The following CADM4 variants were observed in gnomAD, a reference collection of about 807,000 sequenced individuals.
CADM4 encodes the protein cell adhesion molecule 4.
CADM4 carries 13 observed loss-of-function variants against 43.9 expected under a neutral mutation model. The observed-to-expected ratio is 0.30, with a 90% CI of 0.19 to 0.47. The LOEUF (loss-of-function observed/expected upper bound fraction) is 0.47. Ranked by LOEUF, CADM4 falls within the 20% of genes least tolerant of loss-of-function variation. The probability of loss-of-function intolerance (pLI) is 1.00; values close to 1 mark genes in which losing one functional copy is unlikely to be tolerated. For synonymous variants in CADM4, 209 were observed against 220.9 expected, an observed-to-expected ratio of 0.95 and a Z score of 0.48; for missense variants, 420 against 527.0, an observed-to-expected ratio of 0.80 and a Z score of 1.99.
rs542556116 is a variant in CADM4 at position 43,629,604 on chromosome 19, A to C, written c.65-1814T>G. Among the ~76,000 whole-genome samples the C allele has an allele frequency of 1.2e-4, 18 of 152,266 alleles. No homozygotes were observed. The South Asian group carries it at 3.7e-3, about 32-fold the overall frequency. ...AATCCTCACAATCCCTGTGTAAGGT[A>C]GACATGATTATTATCATTATTATTA... On this transcript the variant is annotated intron_variant, in intron 1 of 8. Coordinates refer to ENST00000222374, the MANE Select transcript of CADM4 (RefSeq NM_145296.2).
chr19:43,626,337 C>T lies in CADM4; in HGVS notation c.500-49G>A. On this transcript the variant is annotated intron_variant, in intron 4 of 8. Coordinates refer to ENST00000222374, the MANE Select transcript of CADM4 (RefSeq NM_145296.2). The surrounding 1 kb of genome is among the most constrained non-coding windows in gnomAD (Gnocchi z 5.9). ...GTCAGGCCACAATTCCGGCTCCATC[C>T]ACCCACCCACCCGAGCCAACGCCAA... 1.3e-6 allele frequency: 2 copies of T among 1,589,028 alleles called. No individual in the cohort carries two copies. Among genetic ancestry groups the T allele is most frequent in the Non-Finnish European group, 1.7e-6 (2 of 1,168,820 alleles).
chr19:43,624,138 C>A lies in CADM4; in HGVS notation c.1033G>T (p.Val345Phe). 6.2e-7 allele frequency: 1 copy of A among 1,614,214 alleles called. No homozygotes were observed. The highest frequency in any genetic ancestry group is 8.5e-7 in the Non-Finnish European group (1 of 1,180,040). ...CCCTTCTGCCGTACCGAGCACCAGACCATGCCCACTAGCACACATATGATC... is the reference window on the plus strand; with the variant it reads ...CCCTTCTGCCGTACCGAGCACCAGAACATGCCCACTAGCACACATATGATC... The part of the protein sequence containing the change: ...FLIICVLVGM[V>F]WCSVRQKGSY... Residue 345 changes from valine to phenylalanine, a missense_variant, in exon 8 of 9, where the codon GTC becomes TTC. By Grantham distance (50) the Val-to-Phe change is conservative (BLOSUM62 -1). Transcript: ENST00000222374.
At chr19:43,641,842 A>AG (rs1362531871), upstream of CADM4, among the ~76,000 whole-genome samples, 1 of 152,194 alleles carries the variant, frequency 6.6e-6, no homozygotes, top group East Asian at 1.9e-4. Flanking sequence ...TACTGGTCCA[A>AG]GGGGTAACTA....
chr19:43,639,513 G>A lies in CADM4; in HGVS notation c.64+214C>T, dbSNP rs1973744462. On this transcript the variant is annotated intron_variant, in intron 1 of 8. Transcript: ENST00000222374. ...TCCCCGCCGGGATCCAGCCTGCGCGGGTGGGGGGGCTGCGGCACGGCGGCC... is the reference window on the plus strand; with the variant it reads ...TCCCCGCCGGGATCCAGCCTGCGCGAGTGGGGGGGCTGCGGCACGGCGGCC... Among the ~76,000 whole-genome samples, 4 of 150,990 alleles carry A rather than the reference G, an allele frequency of 2.6e-5. No homozygotes were observed. The South Asian group carries it at 8.3e-4, about 31-fold the overall frequency.
At chr19:43,637,890 T>G (rs1458934037) in intron 1 of CADM4, among the ~76,000 whole-genome samples, 2 of 152,206 alleles carry the variant, frequency 1.3e-5, no homozygotes, top group South Asian at 2.1e-4. Flanking sequence ...GTCAAGATTC[T>G]AAAGCCTTCT....
At chr19:43,639,602 G>C (rs1973746192) in intron 1 of CADM4, 125 bp downstream of exon 1, 1 of 532,050 alleles carries the variant, frequency 1.9e-6, no homozygotes, top group Non-Finnish European at 2.4e-6. Context: ...GCTTTGTCCC[G>C]GGGAGGGGGC....
rs1251171207 is a variant in CADM4 at position 43,623,949 on chromosome 19, T to A, written c.1057+165A>T. ...CTTCTAAATTCTACCCCTTTTCGAG[T>A]ATTGTGCCGAAAGCCCCGCCCCCTT... is the stretch of plus-strand genomic sequence containing the variant. On this transcript the variant is annotated intron_variant, in intron 8 of 8. Transcript: ENST00000222374. The surrounding 1 kb of genome is among the most constrained non-coding windows in gnomAD (Gnocchi z 4.4). Among the ~76,000 whole-genome samples the A allele has an allele frequency of 6.6e-6, 1 of 152,102 alleles. No homozygotes were observed. Among genetic ancestry groups the A allele is most frequent in the African/African-American group, 2.4e-5 (1 of 41,416 alleles).
At chr19:43,629,043 A>C (rs1003382554) in intron 1 of CADM4, among the ~76,000 whole-genome samples, 1 of 152,246 alleles carries the variant, frequency 6.6e-6, no homozygotes, top group Non-Finnish European at 1.5e-5. Context: ...TGCTAAAGTT[A>C]ACTGATACAA....
rs781094319 is a variant in CADM4, at chr19:43,624,139, C to A, written c.1032G>T (p.Met344Ile). The stretch of plus-strand genomic sequence containing the variant: ...CCTTCTGCCGTACCGAGCACCAGAC[C>A]ATGCCCACTAGCACACATATGATCA... Reference protein sequence around the residue: ...VFLIICVLVGMVWCSVRQKGS... With the variant: ...VFLIICVLVGIVWCSVRQKGS... The change falls in exon 8 of 9, where the codon ATG (methionine) becomes ATT (isoleucine). Residue 344 changes from methionine to isoleucine, a missense_variant. Coordinates refer to ENST00000222374, the MANE Select transcript of CADM4 (RefSeq NM_145296.2). The A allele has an allele frequency of 1.9e-6, 3 of 1,614,090 alleles. No individual in the cohort carries two copies. In the East Asian group the frequency reaches 6.7e-5, roughly 36 times the overall value.
At chr19:43,630,351 T>TCTCGG (rs1973603545) in intron 1 of CADM4, among the ~76,000 whole-genome samples, 1 of 138,286 alleles carries the variant, frequency 7.2e-6, no homozygotes, top group Non-Finnish European at 1.5e-5. Flanking sequence ...AGTGGTACGA[T>TCTCGG]CTCGGCTCAC....
chr19:43,624,284 G>C (rs1484819014), intron 7 of CADM4, 42 bp from the exon 8 acceptor site: 10 of 1,613,678 alleles, frequency 6.2e-6, no homozygotes, highest in Non-Finnish European at 7.6e-6. Context: ...ATCAGAGGAC[G>C]ATCCCAGTCT....
chr19:43,637,798 C>T (rs1973722484), intron 1 of CADM4, among the ~76,000 whole-genome samples: 2 of 152,128 alleles, frequency 1.3e-5, no homozygotes. Flanking sequence ...TCCAGGAACT[C>T]CAAGACATCA....
chr19:43,627,306 T>C lies in CADM4; in HGVS notation c.224A>G (p.Glu75Gly), dbSNP rs1310376857. ...GGAGAACTCCTCAAGCTGGAAACGCTCATCCTTCAAGGCTAGAGAGAGTGA... is the reference window on the plus strand; with the variant it reads ...GGAGAACTCCTCAAGCTGGAAACGCCCATCCTTCAAGGCTAGAGAGAGTGA... ...FFNGTRALKD[E>G]RFQLEEFSPR... is the part of the protein sequence containing the mutation. Residue 75 changes from glutamate to glycine, a missense_variant, in exon 3 of 9, where the codon GAG (glutamate) becomes GGG (glycine). Coordinates refer to ENST00000222374, the MANE Select transcript of CADM4 (RefSeq NM_145296.2). The surrounding 1 kb of genome is among the most constrained non-coding windows in gnomAD (Gnocchi z 4.0). 2.5e-6 allele frequency: 4 copies of C among 1,598,058 alleles called. No homozygotes were observed. The highest frequency in any genetic ancestry group is 3.4e-6 in the Non-Finnish European group (4 of 1,171,004).
intron 1 of CADM4, among the ~76,000 whole-genome samples, chr19:43,629,057 A>G (rs569630018): frequency 6.6e-6 from 1 of 152,254 alleles, no homozygotes; most frequent in South Asian, 2.1e-4. Flanking sequence ...GATACAATAC[A>G]TAATTAGGCT....
intron 1 of CADM4, among the ~76,000 whole-genome samples, chr19:43,628,245 G>A (rs529802649): frequency 5.7e-4 from 83 of 145,322 alleles, no homozygotes; most frequent in African/African-American, 1.9e-3. Flanking sequence ...CCAACATGGT[G>A]AAACCCTGTC....
At position 43,623,481 on chromosome 19, in the gene CADM4, G is replaced by A; in HGVS notation, c.1058-42C>T. 7.9e-7 allele frequency: 1 copy of A among 1,261,696 alleles called. No individual in the cohort carries two copies. The highest frequency in any genetic ancestry group is 1.2e-6 in the Non-Finnish European group (1 of 859,512). The allele number at this position is 1,261,696 out of a possible 1,614,324, so 78.2% of individuals were successfully genotyped here. ...CCCCCGGGGCAGGGGGGACATATTT[G>A]TGGATCCAGGAGTTGGACAGAAGTA... On this transcript the variant is annotated intron_variant, in intron 8 of 8. Coordinates refer to ENST00000222374, the MANE Select transcript of CADM4 (RefSeq NM_145296.2). This position sits in a 1 kb window ranked among gnomAD's most constrained non-coding sequence, Gnocchi z 4.4.
chr19:43,631,360 G>T (rs980241560), intron 1 of CADM4, among the ~76,000 whole-genome samples: 5 of 150,986 alleles, frequency 3.3e-5, no homozygotes, highest in Admixed American at 6.6e-5. Flanking sequence ...AAAAAAAAAA[G>T]AAATAAATAA....
intron 1 of CADM4, among the ~76,000 whole-genome samples, chr19:43,636,197 G>A (rs1033346664): frequency 3.9e-5 from 6 of 152,032 alleles, no homozygotes; most frequent in African/African-American, 1.4e-4. Context: ...GGGGCGTAGG[G>A]GTGAGTCAGC....
chr19:43,625,805 C>T lies in CADM4; in HGVS notation c.755+106G>A. ...TCCTAGCTCCCTGTTTGTCCAGGTC[C>T]TCAGCTCTCTCCTCCTTAGGACCCA... is the stretch of plus-strand genomic sequence containing the variant. On this transcript the variant is annotated intron_variant, in intron 6 of 8. Transcript: ENST00000222374. The surrounding 1 kb of genome is among the most constrained non-coding windows in gnomAD (Gnocchi z 4.5). 2 of 932,246 alleles carry T rather than the reference C, an allele frequency of 2.1e-6. No individual in the cohort carries two copies. The highest frequency in any genetic ancestry group is 3.3e-6 in the Non-Finnish European group (2 of 597,642). The allele number at this position is 932,246 out of a possible 1,614,324, so 57.7% of individuals were successfully genotyped here. A position where few individuals can be genotyped will look rare whatever the true frequency, so the allele number is the denominator to read the frequency against.
Sources: allele counts gnomAD v4.1 joint callset (sites outside exome capture counted in the v4.1 genomes callset), GRCh38; gene constraint gnomAD v4.1.1; non-coding constraint Gnocchi (gnomAD v3.1); transcripts MANE v1.5; gene names NCBI Gene and HGNC (gene_info 2026-07-23, HGNC 2026-07-21).